The following USB1 variants were observed in gnomAD, a reference collection of about 807,000 sequenced individuals.
USB1 encodes U6 snRNA biogenesis phosphodiesterase 1.
In USB1, 21 loss-of-function variants were observed where a neutral mutation model predicts 29.9. That is an observed-to-expected ratio of 0.70 (90% CI 0.50 to 1.01). USB1 has a LOEUF of 1.01. USB1 is among the 50% of genes least tolerant of loss of function. USB1 has a pLI of 0.00. For synonymous variants in USB1, 143 were observed against 134.9 expected, an observed-to-expected ratio of 1.06 and a Z score of -0.42; for missense variants, 330 against 347.1, an observed-to-expected ratio of 0.95 and a Z score of 0.39.
upstream of USB1, chr16:58,001,234 G>T: frequency 1.7e-6 from 1 of 600,812 alleles, no homozygotes; most frequent in Non-Finnish European, 3.0e-6. Context: ...GTACACGAAG[G>T]CTGGGGAGGT....
intron 6 of USB1, 93 bp from the exon 7 acceptor site, chr16:58,020,048 C>T (rs1597056610): frequency 8.2e-7 from 1 of 1,226,980 alleles, no homozygotes; most frequent in Non-Finnish European, 1.2e-6. Context: ...CTCGCCCAGC[C>T]TCTGAAGTTG....
At chr16:58,003,650 A>G (rs1488570288) in intron 2 of USB1, among the ~76,000 whole-genome samples, 1 of 152,138 alleles carries the variant, frequency 6.6e-6, no homozygotes, top group Non-Finnish European at 1.5e-5. Flanking sequence ...GCTTTTTGCC[A>G]TCTGTGTATC....
At chr16:58,010,586 G>A (rs1330815063) in intron 3 of USB1, 1 of 253,582 alleles carries the variant, frequency 3.9e-6, no homozygotes, top group Non-Finnish European at 7.6e-6. Flanking sequence ...CACAACATCT[G>A]TCTGATTTCA....
At chr16:58,014,609 C>T (rs1298837150) in intron 4 of USB1, among the ~76,000 whole-genome samples, 2 of 152,138 alleles carry the variant, frequency 1.3e-5, no homozygotes, top group East Asian at 1.9e-4. Flanking sequence ...ATGGCCAAAC[C>T]GTGTCTCTAT....
chr16:58,015,148 G>A (rs908950197), intron 4 of USB1: 13 of 152,066 alleles, frequency 8.5e-5, no homozygotes, highest in African/African-American at 3.1e-4. Context: ...GTAGTGGGGT[G>A]GTGCCCAGAG....
At chr16:58,002,425 G>C in intron 1 of USB1, 54 bp from the exon 2 acceptor site, 1 of 1,608,148 alleles carries the variant, frequency 6.2e-7, no homozygotes, top group East Asian at 2.2e-5. Context: ...TATATACAAA[G>C]GTAGAGAATG....
chr16:58,016,903 T>C, intron 4 of USB1: 1 of 216,324 alleles, frequency 4.6e-6, no homozygotes, highest in East Asian at 1.2e-4. Context: ...CAGGGGAGAG[T>C]TTTTAAAGAT....
upstream of USB1, chr16:58,001,259 G>A: frequency 4.8e-6 from 3 of 618,718 alleles, no homozygotes; most frequent in Admixed American, 2.7e-5. Context: ...GCGGGGTGCC[G>A]GGAGGCTGCA....
At chr16:58,004,822 C>T (rs1487914832) in intron 2 of USB1, among the ~76,000 whole-genome samples, 1 of 152,106 alleles carries the variant, frequency 6.6e-6, no homozygotes, top group Non-Finnish European at 1.5e-5. Flanking sequence ...AATAAAGACA[C>T]AAGACAAAGA....
In USB1 at chr16:58,020,300, A is replaced by C; in HGVS notation, c.*55A>C. On this transcript the variant is annotated 3_prime_UTR_variant, in exon 7 of 7. Transcript: ENST00000219281. Reference sequence around the variant, plus strand: ...TCTGCAGACCAGGCTGAGATGGAGGAACCTGCTAAAATCGATGGAGATGCT... The same window carrying C: ...TCTGCAGACCAGGCTGAGATGGAGGCACCTGCTAAAATCGATGGAGATGCT... 6.4e-7 allele frequency: 1 copy of C among 1,556,608 alleles called. No individual in the cohort carries two copies. Among genetic ancestry groups the C allele is most frequent in the Non-Finnish European group, 8.8e-7 (1 of 1,129,946 alleles).
At chr16:58,012,212 G>A in intron 3 of USB1, 1 of 1,506,538 alleles carries the variant, frequency 6.6e-7, no homozygotes, top group Non-Finnish European at 8.9e-7. Flanking sequence ...CACTCGGCCA[G>A]GGAATAAGGG....
In USB1 at chr16:58,014,255, T is replaced by A. The variant is rs756343687; in HGVS notation, c.450-18T>A. 2.5e-6 allele frequency: 4 copies of A among 1,606,288 alleles called. No homozygotes were observed. The South Asian group carries it at 4.4e-5, about 18-fold the overall frequency. ...TTTTCTTACGATTTTTCCTGAAATA[T>A]GGTCTTCTAAATTTCAGATTCTTCT... On this transcript the variant is annotated intron_variant, in intron 3 of 6. Transcript: ENST00000219281.
rs1326636676 is a variant in USB1, at chr16:58,010,131, T to TGCCTCTCCACTCCCTCCCCTCC, written c.449+20_449+41dup. ...TCCACAGGTGAGTGCTTCTTCCCTC[T>TGCCTCTCCACTCCCTCCCCTCC]GCCTCTCCACTCCCTCCCCTCCATG... On this transcript the variant is annotated intron_variant, in intron 3 of 6. Transcript: ENST00000219281. 6.2e-7 allele frequency: 1 copy of TGCCTCTCCACTCCCTCCCCTCC among 1,613,720 alleles called. No individual in the cohort carries two copies. The highest frequency in any genetic ancestry group is 1.7e-5 in the Admixed American group (1 of 59,984).
In USB1 at chr16:58,020,418, CTCTCTT is replaced by C. The variant is rs1291005305; in HGVS notation, c.*180_*185del. On this transcript the variant is annotated 3_prime_UTR_variant, in exon 7 of 7. Transcript: ENST00000219281. Reference sequence around the variant, plus strand: ...CTCCCTGAGTGCTGATATTCTCTCTCTCTCTTTCTCTTCCTCTTCTTTCTCTCTCTT... The same window carrying C: ...CTCCCTGAGTGCTGATATTCTCTCTCTCTCTTCCTCTTCTTTCTCTCTCTT... 5 of 661,210 alleles carry C rather than the reference CTCTCTT, an allele frequency of 7.6e-6. No homozygotes were observed. The highest frequency in any genetic ancestry group is 1.1e-5 in the Non-Finnish European group (4 of 364,210). The allele number at this position is 661,210 out of a possible 1,614,324, so 41.0% of individuals were successfully genotyped here. A position where few individuals can be genotyped will look rare whatever the true frequency, so the allele number is the denominator to read the frequency against.
rs750048875 is a variant in USB1, at chr16:58,013,367, G to A, written c.450-906G>A. ...ACATTTTCTCCAGAGGCAGAGAGTT[G>A]GCTGACTGACTTTTGCCCTTGGGCA... On this transcript the variant is annotated intron_variant, in intron 3 of 6. Coordinates refer to ENST00000219281, the MANE Select transcript of USB1 (RefSeq NM_024598.4). This position sits in a 1 kb window ranked among gnomAD's most constrained non-coding sequence, Gnocchi z 4.3. 10 of 985,392 alleles carry A rather than the reference G, an allele frequency of 1.0e-5. No homozygotes were observed. In the East Asian group the frequency reaches 4.5e-4, roughly 45 times the overall value. 61.0% of individuals were successfully genotyped at this position (985,392 alleles called of 1,614,324 possible).
At chr16:58,004,507 T>G (rs1364440811) in intron 2 of USB1, among the ~76,000 whole-genome samples, 1 of 152,198 alleles carries the variant, frequency 6.6e-6, no homozygotes, top group Non-Finnish European at 1.5e-5. Flanking sequence ...CTTGAATTCC[T>G]GGGCTCAAGC....
In USB1 at chr16:58,001,745, C is replaced by G. The variant is rs753469961; in HGVS notation, c.98+164C>G. Among the ~76,000 whole-genome samples the G allele has an allele frequency of 4.0e-5, 6 of 151,658 alleles. No homozygotes were observed. In the South Asian group the frequency reaches 8.3e-4, roughly 21 times the overall value. ...GGATCCAGAAGATATACCCCTCCCC[C>G]CCACCCCAGACAAAGCTCCAGAGTG... On this transcript the variant is annotated intron_variant, in intron 1 of 6. Transcript: ENST00000219281.
chr16:58,004,322 A>G (rs1365965679), intron 2 of USB1, among the ~76,000 whole-genome samples: 1 of 152,180 alleles, frequency 6.6e-6, no homozygotes, highest in African/African-American at 2.4e-5. Context: ...CACCAATACC[A>G]TTGGTGAACT....
chr16:58,011,245 T>C (rs770779855), intron 3 of USB1: 79 of 1,466,646 alleles, frequency 5.4e-5, no homozygotes, highest in Admixed American at 7.0e-5. Context: ...TTCACAGTGA[T>C]AGGTCAAACA....
Sources: allele counts gnomAD v4.1 joint callset (sites outside exome capture counted in the v4.1 genomes callset), GRCh38; gene constraint gnomAD v4.1.1; non-coding constraint Gnocchi (gnomAD v3.1); transcripts MANE v1.5; gene names NCBI Gene and HGNC (gene_info 2026-07-23, HGNC 2026-07-21).